USH2A: variants seen among roughly 807,000 people sequenced by gnomAD.
USH2A encodes the protein Usher syndrome 2A (autosomal recessive, mild).
Under a neutral mutation model 538.9 loss-of-function variants are expected in USH2A, and 443 were observed. That is an observed-to-expected ratio of 0.82 (90% CI 0.76 to 0.89). The LOEUF is 0.89. Among genes scored for constraint, USH2A ranks in the 40% least tolerant of loss-of-function variants. The probability of loss-of-function intolerance (pLI) is 0.00; values close to 1 mark genes in which losing one functional copy is unlikely to be tolerated. For missense variants in USH2A, 6,633 were observed against 6,324.8 expected (o/e 1.05, Z -1.65); for synonymous variants, 2,413 against 2,273.5 (o/e 1.06, Z -1.75).
chr1:216,169,657 T>C (rs1322266380), intron 21 of USH2A, among the ~76,000 whole-genome samples: 2 of 152,188 alleles, frequency 1.3e-5, no homozygotes, highest in African/African-American at 4.8e-5. Context: ...TCCAAACTGA[T>C]TAACTCAACC....
intron 11 of USH2A, among the ~76,000 whole-genome samples, chr1:216,281,999 A>G (rs561721967): frequency 3.2e-4 from 47 of 147,796 alleles, no homozygotes; most frequent in Middle Eastern, 3.8e-3. Flanking sequence ...GTAATTTTAT[A>G]TCTTCCTTAG....
chr1:216,280,738 T>A (rs1429889574), intron 11 of USH2A, among the ~76,000 whole-genome samples: 1 of 152,134 alleles, frequency 6.6e-6, no homozygotes, highest in Non-Finnish European at 1.5e-5. Context: ...AAGGCAAACA[T>A]GCCATATCTT....
chr1:215,635,924 G>C (rs939889437), intron 69 of USH2A, among the ~76,000 whole-genome samples: 3 of 150,458 alleles, frequency 2.0e-5, no homozygotes, highest in Non-Finnish European at 4.4e-5. Flanking sequence ...ATAGGCGAAG[G>C]CAGTGAAATT....
At chr1:216,247,356 T>C (rs2036073062) in intron 12 of USH2A, 130 bp from the exon 13 acceptor site, 1 of 1,101,270 alleles carries the variant, frequency 9.1e-7, no homozygotes, top group East Asian at 2.6e-5. Flanking sequence ...AGCAATGCCA[T>C]AGGGGGCCAA....
chr1:216,382,507 G>T (rs1362011965), intron 3 of USH2A, among the ~76,000 whole-genome samples: 1 of 152,132 alleles, frequency 6.6e-6, no homozygotes. Flanking sequence ...GTCATTAAGG[G>T]TCTCCATTCC....
intron 60 of USH2A, among the ~76,000 whole-genome samples, chr1:215,734,061 G>A (rs527581878): frequency 2.6e-5 from 4 of 152,326 alleles, no homozygotes; most frequent in African/African-American, 9.6e-5. Context: ...CTCTGTAAGG[G>A]CTTCACCCCT....
At chr1:215,704,937 C>A (rs1659142826) in intron 61 of USH2A, among the ~76,000 whole-genome samples, 1 of 152,150 alleles carries the variant, frequency 6.6e-6, no homozygotes. Flanking sequence ...TCTTAGAGGA[C>A]AGGGACTAGG....
chr1:215,825,738 CA>C (rs1243649254), intron 47 of USH2A, among the ~76,000 whole-genome samples: 1 of 152,008 alleles, frequency 6.6e-6, no homozygotes, highest in African/African-American at 2.4e-5. Flanking sequence ...TCATGGTTAT[CA>C]AAAATGATCA....
In USH2A at chr1:216,109,028, T is replaced by C. The variant is rs77013298; in HGVS notation, c.4628-11815A>G. 7.3e-3 allele frequency among the ~76,000 whole-genome samples: 1,116 copies of C among 152,286 alleles called. 13 individuals carry two copies. The highest frequency in any genetic ancestry group is 0.025 in the African/African-American group (1,035 of 41,568). On this transcript the variant is annotated intron_variant, in intron 21 of 71. Transcript: ENST00000307340. ...TGTGTTTAGCTCAACCTTCAACCATTGGTGATGCCACCTTTTGGATCTTAT... is the reference window on the plus strand; with the variant it reads ...TGTGTTTAGCTCAACCTTCAACCATCGGTGATGCCACCTTTTGGATCTTAT...
rs369522997 is a variant in USH2A, at chr1:216,325,412, T to C, written c.1036A>G (p.Asn346Asp). The change falls in exon 6 of 72, where the codon AAT becomes GAT. Residue 346 changes from asparagine (N) to aspartate (D), a missense_variant. Coordinates refer to ENST00000307340, the MANE Select transcript of USH2A (RefSeq NM_206933.4). ...NPEAHPLSFV[N>D]DNDVGTSWVS... ...CATGAAGTACCAACATCATTATCATTGACAAAAGAGAGAGGATGGGCTTCA... is the reference window on the plus strand; with the variant it reads ...CATGAAGTACCAACATCATTATCATCGACAAAAGAGAGAGGATGGGCTTCA... 1.2e-6 allele frequency: 2 copies of C among 1,613,926 alleles called. No individual in the cohort carries two copies. The highest frequency in any genetic ancestry group is 1.7e-6 in the Non-Finnish European group (2 of 1,179,910).
chr1:216,245,603 T>G (rs1273056413), intron 13 of USH2A, among the ~76,000 whole-genome samples: 4 of 152,112 alleles, frequency 2.6e-5, no homozygotes, highest in African/African-American at 9.7e-5. Flanking sequence ...ATGGAGTATC[T>G]AGTTATAATA....
At chr1:216,168,238 A>C (rs2034207830) in intron 21 of USH2A, among the ~76,000 whole-genome samples, 1 of 152,130 alleles carries the variant, frequency 6.6e-6, no homozygotes, top group Non-Finnish European at 1.5e-5. Context: ...ATTAAAATTA[A>C]TGTGTTATAT....
intron 38 of USH2A, among the ~76,000 whole-genome samples, chr1:215,928,977 A>C (rs1666301149): frequency 6.6e-6 from 1 of 152,118 alleles, no homozygotes; most frequent in Admixed American, 6.6e-5. Flanking sequence ...TTATTTAGTT[A>C]TTCAAAAGCA....
At chr1:216,197,923 T>C (rs2034888218) in intron 18 of USH2A, among the ~76,000 whole-genome samples, 1 of 152,114 alleles carries the variant, frequency 6.6e-6, no homozygotes, top group African/African-American at 2.4e-5. Context: ...AAAGACAAAT[T>C]TGTGGAATTG....
intron 20 of USH2A, among the ~76,000 whole-genome samples, chr1:216,186,943 G>T (rs901741347): frequency 6.6e-6 from 1 of 151,598 alleles, no homozygotes; most frequent in Admixed American, 6.6e-5. Context: ...TTTTAAAAAA[G>T]TCTACCAGAC....
At chr1:216,241,001 T>C (rs77314453) in intron 13 of USH2A, among the ~76,000 whole-genome samples, 1,882 of 152,142 alleles carry the variant, frequency 0.012, 26 homozygotes, top group Middle Eastern at 0.089. Flanking sequence ...TTCCTAGAAA[T>C]GCCAAAGAGA....
At chr1:215,953,784 G>A (rs1666992434) in intron 37 of USH2A, among the ~76,000 whole-genome samples, 1 of 151,758 alleles carries the variant, frequency 6.6e-6, no homozygotes, top group Non-Finnish European at 1.5e-5. Flanking sequence ...GCAACCTACA[G>A]AATGGGAGAA....
In USH2A at chr1:215,647,467, T is replaced by A. The variant is rs1010096643; in HGVS notation, c.14791+55A>T. ...GCTTCTCCGAGTTTCAGGGCAAGCT[T>A]CTCCTGACCACATTCCAATCTCTCT... On this transcript the variant is annotated intron_variant, in intron 67 of 71. Transcript: ENST00000307340. 5 of 1,609,054 alleles carry A rather than the reference T, an allele frequency of 3.1e-6. No homozygotes were observed. The African/African-American group carries it at 6.7e-5, about 22-fold the overall frequency.
At chr1:216,204,011 C>A (rs919781598) in intron 16 of USH2A, 3 of 163,848 alleles carry the variant, frequency 1.8e-5, no homozygotes, top group Non-Finnish European at 2.9e-5. Flanking sequence ...TTTCTCTCTT[C>A]TAATTTGTCT....
Sources: gnomAD v4.1 joint callset for allele counts (sites outside exome capture counted in the v4.1 genomes callset) on GRCh38, gnomAD v4.1.1 for gene constraint, MANE v1.5 for transcripts, NCBI Gene and HGNC (gene_info 2026-07-23, HGNC 2026-07-21) for gene names.